The following PCDH7 variants were observed in gnomAD, a reference collection of about 807,000 sequenced individuals.
PCDH7 encodes protocadherin-7.
In PCDH7, 17 loss-of-function variants were observed where a neutral mutation model predicts 58.9. The observed-to-expected ratio is 0.29, with a 90% CI of 0.20 to 0.43. The LOEUF (loss-of-function observed/expected upper bound fraction) is 0.43. Ranked by LOEUF, PCDH7 falls within the 20% of genes least tolerant of loss-of-function variation. The pLI, the probability that PCDH7 is intolerant of heterozygous loss-of-function variation, is 1.00. For missense variants in PCDH7, 1,274 were observed against 1,441.0 expected, an observed-to-expected ratio of 0.88 and a Z score of 1.88; for synonymous variants, 664 against 616.4, an observed-to-expected ratio of 1.08 and a Z score of -1.14.
intron 1 of PCDH7, among the ~76,000 whole-genome samples, chr4:30,862,292 C>A (rs1485235738): frequency 2.0e-5 from 3 of 152,122 alleles, no homozygotes; most frequent in East Asian, 3.9e-4. Flanking sequence ...AGAGGGATGC[C>A]AACAGTGTGA....
At chr4:31,085,485 C>T (rs888681351) in intron 3 of PCDH7, among the ~76,000 whole-genome samples, 1 of 152,126 alleles carries the variant, frequency 6.6e-6, no homozygotes, top group Non-Finnish European at 1.5e-5. Context: ...TTTGTTTAAA[C>T]TATAAATTAT....
At chr4:30,996,312 C>T (rs1211449685) in intron 3 of PCDH7, among the ~76,000 whole-genome samples, 3 of 152,066 alleles carry the variant, frequency 2.0e-5, no homozygotes, top group Non-Finnish European at 4.4e-5. Flanking sequence ...AGGGCAAAAC[C>T]CCTCAGAGTT....
chr4:31,004,007 C>T (rs1307148667), intron 3 of PCDH7, among the ~76,000 whole-genome samples: 1 of 152,004 alleles, frequency 6.6e-6, no homozygotes, highest in Non-Finnish European at 1.5e-5. Flanking sequence ...TGTCATTCTC[C>T]CCACAATCTT....
intron 1 of PCDH7, among the ~76,000 whole-genome samples, chr4:30,742,073 G>A (rs866276990): frequency 6.6e-6 from 1 of 152,086 alleles, no homozygotes; most frequent in African/African-American, 2.4e-5. Context: ...GTTGTTTTCA[G>A]TCCTCAGTAA....
chr4:30,764,020 C>G (rs1359533204), intron 1 of PCDH7, among the ~76,000 whole-genome samples: 1 of 152,130 alleles, frequency 6.6e-6, no homozygotes, highest in Non-Finnish European at 1.5e-5. Context: ...TTCATTTAAT[C>G]TATGACTGTA....
intron 3 of PCDH7, chr4:30,987,909 G>A (rs1751117388): frequency 6.6e-6 from 1 of 152,052 alleles, no homozygotes; most frequent in Non-Finnish European, 1.5e-5. Flanking sequence ...AACCCTAGAA[G>A]TATATTAGGG....
At chr4:30,810,134 G>C (rs1329352627) in intron 1 of PCDH7, among the ~76,000 whole-genome samples, 3 of 152,178 alleles carry the variant, frequency 2.0e-5, no homozygotes, top group Middle Eastern at 6.8e-3. Flanking sequence ...ACCTGAATCA[G>C]GATTAGAATT....
chr4:31,004,528 G>A (rs1435641707), intron 3 of PCDH7, among the ~76,000 whole-genome samples: 2 of 151,920 alleles, frequency 1.3e-5, no homozygotes, highest in Non-Finnish European at 2.9e-5. Context: ...TGGCCGACAT[G>A]GTGAAACCCC....
Position 30,881,344 on chromosome 4 carries a change from T to TCAAAA in PCDH7, c.71-38787_71-38783dup, listed in dbSNP as rs530609732. Among the ~76,000 whole-genome samples, 99 of 151,942 alleles carry TCAAAA rather than the reference T, an allele frequency of 6.5e-4. No homozygotes were observed. In the East Asian group the frequency reaches 6.8e-3, roughly 10 times the overall value. On this transcript the variant is annotated intron_variant, in intron 1 of 3. Transcript: ENST00000509759. ...CTGGGTGATAGAGCAAGACTCCATC[T>TCAAAA]CAAAACAAAACAAAACAAAACAAAA...
chr4:30,848,413 G>A (rs1732272836), intron 1 of PCDH7, among the ~76,000 whole-genome samples: 1 of 152,032 alleles, frequency 6.6e-6, no homozygotes, highest in Non-Finnish European at 1.5e-5. Context: ...CATACAGCAT[G>A]GCATACTAAA....
At chr4:31,106,348 T>C (rs1210356251) in intron 3 of PCDH7, among the ~76,000 whole-genome samples, 1 of 152,188 alleles carries the variant, frequency 6.6e-6, no homozygotes, top group Admixed American at 6.5e-5. Flanking sequence ...ATACAAAATT[T>C]TTAGATGTGC....
rs370034723 is a variant in PCDH7, at chr4:31,097,638, A to ATATATATATATATAAAATC, written c.*8-44835_*8-44834insTATATATATATATAAAATC. On this transcript the variant is annotated intron_variant, in intron 3 of 3. Coordinates refer to the PCDH7 transcript ENST00000509759. ...TATATATATATATATATATATATAT[A>ATATATATATATATAAAATC]AATCTTTTTTCTGTAATTTCTGTAA... is the stretch of plus-strand genomic sequence containing the variant. Among the ~76,000 whole-genome samples, 15 of 79,246 alleles carry ATATATATATATATAAAATC rather than the reference A, an allele frequency of 1.9e-4. 1 individual carries two copies. The highest frequency in any genetic ancestry group is 5.5e-4 in the East Asian group (2 of 3,622). 52.0% of individuals were successfully genotyped at this position (79,246 alleles called of 152,430 possible).
chr4:30,893,191 A>T (rs1397355974), intron 1 of PCDH7, among the ~76,000 whole-genome samples: 1 of 152,136 alleles, frequency 6.6e-6, no homozygotes, highest in Non-Finnish European at 1.5e-5. Flanking sequence ...AAAACAAATT[A>T]GCTATTTTCC....
At chr4:30,728,782 T>C (rs1577559515) in intron 1 of PCDH7, among the ~76,000 whole-genome samples, 1 of 151,462 alleles carries the variant, frequency 6.6e-6, no homozygotes, top group Non-Finnish European at 1.5e-5. Context: ...AAATCATTTT[T>C]TCTTATCCTT....
intron 1 of PCDH7, among the ~76,000 whole-genome samples, chr4:30,910,802 G>A (rs1302011282): frequency 6.6e-6 from 1 of 152,014 alleles, no homozygotes; most frequent in African/African-American, 2.4e-5. Context: ...GCAATCTCAT[G>A]ACTGGGTATA....
chr4:31,051,499 T>C (rs966946421), intron 3 of PCDH7, among the ~76,000 whole-genome samples: 3 of 152,080 alleles, frequency 2.0e-5, no homozygotes, highest in African/African-American at 7.2e-5. Flanking sequence ...AATCCCTGGA[T>C]TTTATATGTA....
chr4:30,858,863 G>T (rs1212255191), intron 1 of PCDH7, among the ~76,000 whole-genome samples: 1 of 151,852 alleles, frequency 6.6e-6, no homozygotes, highest in Non-Finnish European at 1.5e-5. Context: ...TGAATATATT[G>T]AGTTTCTGTT....
intron 1 of PCDH7, among the ~76,000 whole-genome samples, chr4:30,914,709 G>C (rs371977642): frequency 2.1e-4 from 32 of 152,210 alleles, no homozygotes; most frequent in East Asian, 1.9e-3. Flanking sequence ...GTATACTACC[G>C]TTTATAGTAT....
chr4:30,756,577 G>T (rs1354931016), intron 1 of PCDH7, among the ~76,000 whole-genome samples: 2 of 152,114 alleles, frequency 1.3e-5, no homozygotes, highest in Non-Finnish European at 2.9e-5. Context: ...TATCTTTCAT[G>T]TTTCTGTGCA....
Sources: gnomAD v4.1 joint callset for allele counts (sites outside exome capture counted in the v4.1 genomes callset) on GRCh38, gnomAD v4.1.1 for gene constraint, MANE v1.5 for transcripts, NCBI Gene and HGNC (gene_info 2026-07-23, HGNC 2026-07-21) for gene names.